ZNF10: variants seen among roughly 807,000 people sequenced by gnomAD.
The protein encoded by ZNF10 is zinc finger protein 10, also known as zinc finger protein 10 (KOX 1).
In ZNF10, 8 loss-of-function variants were observed where a neutral mutation model predicts 12.2. The observed-to-expected ratio is 0.66, with a 90% CI of 0.39 to 1.18. ZNF10 has a LOEUF of 1.18. Ranked by LOEUF, ZNF10 falls within the 50% of genes most tolerant of loss-of-function variation. The probability of loss-of-function intolerance (pLI) is 0.01; values close to 1 mark genes in which losing one functional copy is unlikely to be tolerated. For synonymous variants in ZNF10, 229 were observed against 228.2 expected, an observed-to-expected ratio of 1.00 and a Z score of -0.03; for missense variants, 603 against 678.9, an observed-to-expected ratio of 0.89 and a Z score of 1.24.
At position 133,156,309 on chromosome 12, in the gene ZNF10, G is replaced by A. The variant is rs1311958031; in HGVS notation, c.1063G>A (p.Gly355Arg). The A allele has an allele frequency of 6.2e-7, 1 of 1,614,002 alleles. No homozygotes were observed. Among genetic ancestry groups the A allele is most frequent in the Non-Finnish European group, 8.5e-7 (1 of 1,180,028 alleles). ...GDKLYTCNQC[G>R]KSFVHSSRLI... Reference sequence around the variant, plus strand: ...CAAACTGTACACATGTAATCAGTGTGGGAAATCTTTTGTTCATAGCTCTAG... The same window carrying A: ...CAAACTGTACACATGTAATCAGTGTAGGAAATCTTTTGTTCATAGCTCTAG... The change falls in exon 5 of 5, where the codon GGG becomes AGG. Residue 355 changes from glycine (G) to arginine (R), a missense_variant. By Grantham distance (125) the Gly-to-Arg change is moderately radical. Transcript: ENST00000248211.
In ZNF10 at chr12:133,158,504, A is replaced by C. The variant is rs1956055369; in HGVS notation, c.*1536A>C. ...GTATACACATTTATTCTGTTTGTAC[A>C]AAGGTTTTCCATTCTATGGAGAGGA... On this transcript the variant is annotated 3_prime_UTR_variant, in exon 5 of 5. Coordinates refer to ENST00000248211, the MANE Select transcript of ZNF10 (RefSeq NM_015394.5). 6.6e-6 allele frequency: 1 copy of C among 152,218 alleles called. No individual in the cohort carries two copies. Among genetic ancestry groups the C allele is most frequent in the Admixed American group, 6.5e-5 (1 of 15,278 alleles). 9.4% of individuals were successfully genotyped at this position (152,218 alleles called of 1,614,324 possible).
At chr12:133,137,507 A>G (rs910381114) in intron 1 of ZNF10, among the ~76,000 whole-genome samples, 11 of 151,698 alleles carry the variant, frequency 7.3e-5, no homozygotes, top group African/African-American at 2.4e-4. Flanking sequence ...ATGTTCCCCA[A>G]CCTCCCTTAC....
intron 1 of ZNF10, among the ~76,000 whole-genome samples, chr12:133,132,066 G>A (rs1007492300): frequency 5.9e-5 from 9 of 152,048 alleles, no homozygotes; most frequent in East Asian, 1.9e-4. Context: ...ATTGATTGCC[G>A]TCCTCAACAA....
intron 2 of ZNF10, among the ~76,000 whole-genome samples, chr12:133,147,052 G>A (rs754558770): frequency 4.6e-5 from 7 of 152,182 alleles, no homozygotes; most frequent in South Asian, 2.1e-4. Context: ...ATAATGTATC[G>A]GAGGTTCATC....
chr12:133,154,587 C>T (rs928680389), intron 4 of ZNF10, among the ~76,000 whole-genome samples: 11 of 152,144 alleles, frequency 7.2e-5, no homozygotes, highest in African/African-American at 2.7e-4. Context: ...TTTAGCAACT[C>T]GTCTAAATTC....
intron 1 of ZNF10, 109 bp from the exon 2 acceptor site, chr12:133,144,325 A>G: frequency 5.1e-6 from 3 of 593,202 alleles, no homozygotes; most frequent in South Asian, 4.2e-5. Flanking sequence ...GTTCCTCTGT[A>G]TAGTGGGTGT....
chr12:133,142,523 A>G (rs1427633276), intron 1 of ZNF10, among the ~76,000 whole-genome samples: 3 of 152,152 alleles, frequency 2.0e-5, no homozygotes, highest in Non-Finnish European at 4.4e-5. Context: ...ACACAGCCCA[A>G]TTGTAAACAT....
intron 2 of ZNF10, among the ~76,000 whole-genome samples, chr12:133,147,741 G>C (rs910767628): frequency 6.7e-6 from 1 of 149,496 alleles, no homozygotes; most frequent in African/African-American, 2.5e-5. Flanking sequence ...TTAGCCTCCC[G>C]AGTAGCTGGG....
chr12:133,133,231 C>T (rs1348432810), intron 1 of ZNF10, among the ~76,000 whole-genome samples: 1 of 152,142 alleles, frequency 6.6e-6, no homozygotes, highest in East Asian at 1.9e-4. Flanking sequence ...GTCCTTTTTG[C>T]TGATCATACC....
intron 1 of ZNF10, among the ~76,000 whole-genome samples, chr12:133,138,089 G>A (rs774315598): frequency 2.2e-4 from 33 of 151,870 alleles, no homozygotes; most frequent in Non-Finnish European, 3.7e-4. Flanking sequence ...AATTAAATCA[G>A]AATCTCTTGG....
At chr12:133,143,845 A>C (rs1190846427) in intron 1 of ZNF10, 2 of 117,290 alleles carry the variant, frequency 1.7e-5, no homozygotes, top group African/African-American at 7.3e-5. Flanking sequence ...CTGAGTTCTC[A>C]TCTGGAGGCC....
intron 4 of ZNF10, among the ~76,000 whole-genome samples, chr12:133,154,191 GTA>G (rs551397832): frequency 4.9e-4 from 75 of 152,226 alleles, no homozygotes; most frequent in African/African-American, 1.6e-3. Flanking sequence ...AGATGAAGTG[GTA>G]TCATCAGTGT....
intron 2 of ZNF10, among the ~76,000 whole-genome samples, chr12:133,149,467 C>T (rs1320037659): frequency 6.8e-6 from 1 of 147,226 alleles, no homozygotes; most frequent in African/African-American, 2.5e-5. Flanking sequence ...AAGTGATCCT[C>T]TCACCTTAGC....
intron 2 of ZNF10, among the ~76,000 whole-genome samples, chr12:133,150,080 A>G (rs759497352): frequency 6.6e-6 from 1 of 152,134 alleles, no homozygotes; most frequent in Admixed American, 6.5e-5. Flanking sequence ...CTTTCTTTCA[A>G]CTGTTCTGTA....
Position 133,130,669 on chromosome 12 carries a change from G to A in ZNF10, c.-145G>A, listed in dbSNP as rs1386040871. The A allele has an allele frequency of 6.6e-6, 1 of 152,618 alleles. No homozygotes were observed. The highest frequency in any genetic ancestry group is 1.5e-5 in the Non-Finnish European group (1 of 68,092). The allele number at this position is 152,618 out of a possible 1,614,324, so 9.5% of individuals were successfully genotyped here. On this transcript the variant is annotated 5_prime_UTR_variant, in exon 1 of 5. The change abolishes an upstream ATG in the 5' untranslated region. Transcript: ENST00000248211. ...CGCTCTTCGCGCTCCGCTGGTGAAT[G>A]GAGTCGCGTTCTCTGTTTTGCTGTT...
chr12:133,137,401 T>G (rs1955918762), intron 1 of ZNF10, among the ~76,000 whole-genome samples: 1 of 152,222 alleles, frequency 6.6e-6, no homozygotes, highest in Non-Finnish European at 1.5e-5. Context: ...CCTCTGGCCC[T>G]GTTTCTTTTT....
intron 1 of ZNF10, chr12:133,143,711 A>G (rs944932832): frequency 1.2e-4 from 19 of 152,234 alleles, no homozygotes; most frequent in African/African-American, 4.6e-4. Context: ...AGCATATACC[A>G]CAAACTTGGC....
rs552517459 is a variant in ZNF10 at position 133,143,619 on chromosome 12, C to G, written c.-59-815C>G. On this transcript the variant is annotated intron_variant, in intron 1 of 4. Coordinates refer to ENST00000248211, the MANE Select transcript of ZNF10 (RefSeq NM_015394.5). ...AACAGCACTGGCGAATGGTAACTAC[C>G]TAGGTAAATATATAATATTTTTCCT... 3.2e-4 allele frequency: 48 copies of G among 152,334 alleles called. 1 individual carries two copies. The South Asian group carries it at 5.2e-3, about 16-fold the overall frequency. 9.4% of individuals were successfully genotyped at this position (152,334 alleles called of 1,614,324 possible). A position where few individuals can be genotyped will look rare whatever the true frequency, so the allele number is the denominator to read the frequency against.
intron 2 of ZNF10, among the ~76,000 whole-genome samples, chr12:133,147,428 A>G (rs1195496416): frequency 6.6e-6 from 1 of 152,212 alleles, no homozygotes; most frequent in African/African-American, 2.4e-5. Flanking sequence ...CACACATTTT[A>G]AAAGTACCCT....
Sources: gnomAD v4.1 joint callset for allele counts (sites outside exome capture counted in the v4.1 genomes callset) on GRCh38, gnomAD v4.1.1 for gene constraint, MANE v1.5 for transcripts, NCBI Gene and HGNC (gene_info 2026-07-23, HGNC 2026-07-21) for gene names.